Variants in DDX60L observed in about 807,000 individuals in gnomAD.
DDX60L encodes probable ATP-dependent RNA helicase DDX60-like.
Under a neutral mutation model 211.6 loss-of-function variants are expected in DDX60L, and 191 were observed. The observed-to-expected ratio is 0.90, with a 90% CI of 0.80 to 1.02. DDX60L has a LOEUF of 1.02. Among genes scored for constraint, DDX60L ranks in the 50% least tolerant of loss-of-function variants. The probability of loss-of-function intolerance (pLI) is 0.00; values close to 1 mark genes in which losing one functional copy is unlikely to be tolerated. For synonymous variants in DDX60L, 706 were observed against 694.1 expected, an observed-to-expected ratio of 1.02 and a Z score of -0.27; for missense variants, 2,007 against 1,984.1, an observed-to-expected ratio of 1.01 and a Z score of -0.22.
intron 26 of DDX60L, 21 bp downstream of exon 26, chr4:168,400,805 T>C: frequency 6.3e-7 from 1 of 1,584,260 alleles, no homozygotes; most frequent in East Asian, 2.3e-5. Flanking sequence ...CCAATTTGTT[T>C]AAGTAAACAT....
chr4:168,472,428 CCTT>C, intron 3 of DDX60L, 24 bp downstream of exon 3: 5 of 1,486,918 alleles, frequency 3.4e-6, no homozygotes, highest in African/African-American at 1.4e-5. Context: ...TAGTATAGCT[CCTT>C]CTTTTTTACT....
chr4:168,442,247 G>C (rs1003706769), intron 9 of DDX60L, among the ~76,000 whole-genome samples: 1 of 152,148 alleles, frequency 6.6e-6, no homozygotes, highest in African/African-American at 2.4e-5. Flanking sequence ...GTGACGGACG[G>C]CACCTGGAAA....
chr4:168,473,577 G>T (rs1433395524), intron 1 of DDX60L, among the ~76,000 whole-genome samples: 1 of 152,204 alleles, frequency 6.6e-6, no homozygotes, highest in East Asian at 1.9e-4. Context: ...AGGACAGGAG[G>T]ATGGACGATG....
At chr4:168,402,366 C>T (rs1377341670) in intron 25 of DDX60L, among the ~76,000 whole-genome samples, 2 of 151,572 alleles carry the variant, frequency 1.3e-5, no homozygotes, top group Non-Finnish European at 2.9e-5. Flanking sequence ...AAACCTAGGT[C>T]ATCTAGAATT....
At chr4:168,409,529 T>G (rs1748318866) in intron 22 of DDX60L, among the ~76,000 whole-genome samples, 1 of 152,208 alleles carries the variant, frequency 6.6e-6, no homozygotes. Flanking sequence ...ATCATATATC[T>G]ATTCCCTAAG....
Position 168,404,037 on chromosome 4 carries a change from G to T in DDX60L, c.3283C>A (p.Pro1095Thr). The T allele has an allele frequency of 1.3e-6, 2 of 1,490,776 alleles. No homozygotes were observed. Among genetic ancestry groups the T allele is most frequent in the East Asian group, 2.5e-5 (1 of 40,334 alleles). 92.3% of individuals were successfully genotyped at this position (1,490,776 alleles called of 1,614,324 possible). Reference protein sequence around the residue: ...SSSKDMVKMFPLLVEKLRQMD... With the variant: ...SSSKDMVKMFTLLVEKLRQMD... ...TGTCTTAACTTTTCAACAAGAAGAG[G>T]AAACATTTTCACCATATCTTTTGAA... The change falls in exon 25 of 38, where the codon CCT (proline) becomes ACT (threonine). Residue 1095 changes from proline to threonine, a missense_variant. Coordinates refer to ENST00000682922, the MANE Select transcript of DDX60L (RefSeq NM_001012967.3).
At position 168,457,914 on chromosome 4, in the gene DDX60L, T is replaced by G; in HGVS notation, c.701A>C (p.Lys234Thr). 1 of 1,553,556 alleles carries G rather than the reference T, an allele frequency of 6.4e-7. No individual in the cohort carries two copies. The highest frequency in any genetic ancestry group is 1.2e-5 in the South Asian group (1 of 83,644). ...LVLATHFEHL[K>T]WNDMMEEAYQ... is the part of the protein sequence containing the mutation. The stretch of plus-strand genomic sequence containing the variant: ...TACCTCTTCCATCATATCATTCCAT[T>G]TCAAATGTTCAAAATGAGTTGCTAA... The change falls in exon 6 of 38, where the codon AAA becomes ACA. Residue 234 changes from lysine (K) to threonine (T), a missense_variant. Physicochemically the swap from Lys to Thr is moderately conservative, Grantham distance 78. Coordinates refer to ENST00000682922, the MANE Select transcript of DDX60L (RefSeq NM_001012967.3).
At chr4:168,389,345 C>G (rs766909133) in intron 29 of DDX60L, among the ~76,000 whole-genome samples, 6 of 152,050 alleles carry the variant, frequency 3.9e-5, no homozygotes, top group Non-Finnish European at 8.8e-5. Context: ...GAGAAAATGG[C>G]ATGTTAGCAG....
At chr4:168,407,815 C>G (rs1748012115) in intron 22 of DDX60L, among the ~76,000 whole-genome samples, 1 of 152,180 alleles carries the variant, frequency 6.6e-6, no homozygotes, top group East Asian at 1.9e-4. Context: ...AATCACTACT[C>G]CCTGGGGTTC....
At chr4:168,392,771 C>T (rs186489782) in intron 28 of DDX60L, among the ~76,000 whole-genome samples, 277 of 148,742 alleles carry the variant, frequency 1.9e-3, no homozygotes, top group Admixed American at 2.6e-3. Context: ...ACCCTGGAGA[C>T]GGACGTTGCA....
At position 168,395,995 on chromosome 4, in the gene DDX60L, T is replaced by C; in HGVS notation, c.3621A>G (p.Lys1207=). ...ISEDCTYADV[K]ALHTEITRNK... The stretch of plus-strand genomic sequence containing the variant: ...TCCTGGTAATTTCAGTGTGTAGGGC[T>C]TTGACATCAGCATACGTGCAGTCCT... Residue 1207 remains lysine, a synonymous_variant, in exon 27 of 38, where the codon AAA becomes AAG. Transcript: ENST00000682922. 5 of 1,609,162 alleles carry C rather than the reference T, an allele frequency of 3.1e-6. No individual in the cohort carries two copies. Among genetic ancestry groups the C allele is most frequent in the Non-Finnish European group, 4.2e-6 (5 of 1,177,822 alleles).
Position 168,432,438 on chromosome 4 carries a change from G to T in DDX60L, c.1516+17C>A. On this transcript the variant is annotated intron_variant, in intron 12 of 37. Coordinates refer to ENST00000682922, the MANE Select transcript of DDX60L (RefSeq NM_001012967.3). ...CAATTCATATAAGCTCTATTTTATCGTGGTTACAGAGCTCACCATCAACAT... is the reference window on the plus strand; with the variant it reads ...CAATTCATATAAGCTCTATTTTATCTTGGTTACAGAGCTCACCATCAACAT... 1.4e-6 allele frequency: 2 copies of T among 1,429,424 alleles called. No individual in the cohort carries two copies. Among genetic ancestry groups the T allele is most frequent in the Non-Finnish European group, 1.9e-6 (2 of 1,055,484 alleles). 88.5% of individuals were successfully genotyped at this position (1,429,424 alleles called of 1,614,324 possible).
chr4:168,415,715 T>C lies in DDX60L; in HGVS notation c.2811A>G (p.Lys937=), dbSNP rs1749440054. ...EKCISEKQAD[K]CLNFLQDHSY... is the part of the protein sequence containing the mutation. ...AATGGTCTTGGAGAAAGTTGAGACA[T>C]TTGTCAGCCTGTTTTTCAGAAATAC... Residue 937 remains lysine, a synonymous_variant, in exon 21 of 38, where the codon AAA becomes AAG. Transcript: ENST00000682922. The C allele has an allele frequency of 1.9e-6, 3 of 1,603,728 alleles. No individual in the cohort carries two copies.
In DDX60L at chr4:168,423,738, A is replaced by G. The variant is rs1357104229; in HGVS notation, c.1967T>C (p.Met656Thr). 8 of 1,601,836 alleles carry G rather than the reference A, an allele frequency of 5.0e-6. No homozygotes were observed. Among genetic ancestry groups the G allele is most frequent in the Admixed American group, 1.8e-5 (1 of 56,986 alleles). The change falls in exon 15 of 38, where the codon ATG becomes ACG. Residue 656 changes from methionine (M) to threonine (T), a missense_variant. Coordinates refer to ENST00000682922, the MANE Select transcript of DDX60L (RefSeq NM_001012967.3). ...CAGGAGTGAATGAATCCTTTTCATC[A>G]TTTGAACAGCTATACTTAAATCTTT... ...ISKDLSIAVQ[M>T]MKRIHSLLER...
intron 25 of DDX60L, 70 bp downstream of exon 25, chr4:168,403,912 T>A (rs1297633102): frequency 1.1e-6 from 1 of 952,236 alleles, no homozygotes; most frequent in African/African-American, 1.7e-5. Context: ...TAAATGAGAC[T>A]AATTGAAAAC....
intron 30 of DDX60L, chr4:168,380,044 T>C (rs756385898): frequency 4.8e-6 from 2 of 418,916 alleles, no homozygotes; most frequent in Non-Finnish European, 8.5e-6. Flanking sequence ...AGAACTGTTA[T>C]ACATAACCCA....
At chr4:168,442,098 C>T (rs1224609393) in intron 9 of DDX60L, among the ~76,000 whole-genome samples, 1 of 152,066 alleles carries the variant, frequency 6.6e-6, no homozygotes, top group East Asian at 1.9e-4. Context: ...GTACCGGGTT[C>T]ATCTCACTAG....
At chr4:168,461,402 T>C (rs1477646707) in intron 5 of DDX60L, among the ~76,000 whole-genome samples, 1 of 152,214 alleles carries the variant, frequency 6.6e-6, no homozygotes, top group Non-Finnish European at 1.5e-5. Flanking sequence ...TTCAATACTC[T>C]AAATATTCTT....
chr4:168,449,761 ATAATGAAAATAGAAT>A (rs1755529351), intron 8 of DDX60L, among the ~76,000 whole-genome samples: 1 of 150,340 alleles, frequency 6.7e-6, no homozygotes, highest in African/African-American at 2.4e-5. Context: ...AAAAAATAAA[ATAATGAAAATAGAAT>A]AAAAATAAAA....
Sources: gnomAD v4.1 joint callset for allele counts (sites outside exome capture counted in the v4.1 genomes callset) on GRCh38, gnomAD v4.1.1 for gene constraint, MANE v1.5 for transcripts, NCBI Gene and HGNC (gene_info 2026-07-23, HGNC 2026-07-21) for gene names.